PRELID2: variants seen among roughly 807,000 people sequenced by gnomAD.
The protein encoded by PRELID2 is PRELI domain containing 2, also known as PRELI domain-containing protein 2.
Under a neutral mutation model 28.4 loss-of-function variants are expected in PRELID2, and 25 were observed. The observed-to-expected ratio is 0.88, with a 90% CI of 0.64 to 1.23. PRELID2 has a LOEUF of 1.23. Ranked by LOEUF, PRELID2 falls within the 50% of genes most tolerant of loss-of-function variation. PRELID2 has a pLI of 0.00. For missense variants in PRELID2, 201 were observed against 214.4 expected (o/e 0.94, Z 0.39); for synonymous variants, 76 against 71.6 (o/e 1.06, Z -0.31).
intron 1 of PRELID2, among the ~76,000 whole-genome samples, chr5:145,698,543 T>C (rs1581070096): frequency 6.6e-6 from 1 of 152,134 alleles, no homozygotes; most frequent in Non-Finnish European, 1.5e-5. Context: ...TGCCAGCCAA[T>C]TTATGTCTGT....
In PRELID2 at chr5:145,772,959, C is replaced by T. The variant is rs141031061; in HGVS notation, c.475-7959G>A. Among the ~76,000 whole-genome samples the T allele has an allele frequency of 7.7e-3, 1,166 of 152,254 alleles. 20 individuals are homozygous for T. Among genetic ancestry groups the T allele is most frequent in the African/African-American group, 0.026 (1,094 of 41,542 alleles). ...ATGTATGGCTTCAATATAATTTTCCCATAGTAGCTAATAAACTTTTGAGTA... is the reference window on the plus strand; with the variant it reads ...ATGTATGGCTTCAATATAATTTTCCTATAGTAGCTAATAAACTTTTGAGTA... On this transcript the variant is annotated intron_variant, in intron 5 of 6. Coordinates refer to ENST00000683046, the MANE Select transcript of PRELID2 (RefSeq NM_205846.3).
At chr5:145,269,585 T>A in the PRELID2 span, among the ~76,000 whole-genome samples, 150 of 151,946 alleles carry the variant, frequency 9.9e-4, no homozygotes, top group African/African-American at 3.4e-3. Context: ...TGGGCAAAAT[T>A]TTTTAAAGAG....
chr5:145,419,118 C>T, the PRELID2 span, among the ~76,000 whole-genome samples: 2 of 150,184 alleles, frequency 1.3e-5, no homozygotes, highest in Admixed American at 1.3e-4. Context: ...TTTTCTTAAT[C>T]CAGTCTATCA....
At chr5:145,705,970 A>ACACACT (rs1397978770) in intron 1 of PRELID2, among the ~76,000 whole-genome samples, 1 of 149,746 alleles carries the variant, frequency 6.7e-6, no homozygotes, top group African/African-American at 2.5e-5. Flanking sequence ...ACACACACAC[A>ACACACT]CTCCCCACAA....
chr5:145,512,180 C>G (rs1250138271), intron 1 of PRELID2, among the ~76,000 whole-genome samples: 7 of 123,980 alleles, frequency 5.6e-5, no homozygotes, highest in Admixed American at 2.4e-4. Flanking sequence ...CGAATAGGAA[C>G]AGCTCCAGGC....
the PRELID2 span, among the ~76,000 whole-genome samples, chr5:145,405,333 A>C: frequency 6.6e-6 from 1 of 152,134 alleles, no homozygotes; most frequent in Non-Finnish European, 1.5e-5. Context: ...CTGGGTCCCC[A>C]CCTATGTTAG....
chr5:145,487,834 T>C (rs1348972975), intron 1 of PRELID2, among the ~76,000 whole-genome samples: 1 of 151,356 alleles, frequency 6.6e-6, no homozygotes, highest in Non-Finnish European at 1.5e-5. Flanking sequence ...AATCAAGAAA[T>C]GGAATTGGAG....
the PRELID2 span, among the ~76,000 whole-genome samples, chr5:145,435,986 T>C: frequency 7.9e-5 from 12 of 152,306 alleles, 1 homozygote; most frequent in South Asian, 2.1e-3. Flanking sequence ...AGGTTTGTTA[T>C]ATGGGAAAAT....
At chr5:145,362,869 A>C in the PRELID2 span, among the ~76,000 whole-genome samples, 1 of 152,104 alleles carries the variant, frequency 6.6e-6, no homozygotes, top group South Asian at 2.1e-4. Context: ...GATGGCTGGA[A>C]ATCAAAACCC....
At chr5:145,599,761 T>C (rs909774482) in intron 1 of PRELID2, among the ~76,000 whole-genome samples, 7 of 152,160 alleles carry the variant, frequency 4.6e-5, no homozygotes, top group South Asian at 2.1e-4. Context: ...ATGTCTTTCA[T>C]AGGCAAAAGC....
the PRELID2 span, among the ~76,000 whole-genome samples, chr5:145,434,802 C>T: frequency 6.6e-6 from 1 of 152,124 alleles, no homozygotes; most frequent in African/African-American, 2.4e-5. Context: ...TTTCTAACCT[C>T]AGGCAAATCC....
intron 1 of PRELID2, among the ~76,000 whole-genome samples, chr5:145,676,706 TA>T (rs1754824588): frequency 6.6e-6 from 1 of 152,174 alleles, no homozygotes; most frequent in South Asian, 2.1e-4. Context: ...TTGATATAAA[TA>T]AACACCACCA....
At chr5:145,303,489 G>A in the PRELID2 span, among the ~76,000 whole-genome samples, 3 of 152,096 alleles carry the variant, frequency 2.0e-5, no homozygotes, top group South Asian at 6.2e-4. Flanking sequence ...ATGGTGCCCT[G>A]GGATCACATC....
the PRELID2 span, among the ~76,000 whole-genome samples, chr5:145,286,696 G>GTTTTTTTTTTTTT: frequency 3.4e-5 from 4 of 116,990 alleles, no homozygotes; most frequent in African/African-American, 1.6e-4. Context: ...CAACATAGAA[G>GTTTTTTTTTTTTT]TTTTTGTTTT....
At chr5:145,229,464 C>T in the PRELID2 span, 1 of 907,788 alleles carries the variant, frequency 1.1e-6, no homozygotes, top group Non-Finnish European at 1.8e-6. Flanking sequence ...CCAGCCAAAG[C>T]CCCCAACACC....
intron 1 of PRELID2, among the ~76,000 whole-genome samples, chr5:145,478,217 G>A (rs1032091149): frequency 2.0e-5 from 3 of 152,018 alleles, no homozygotes; most frequent in Non-Finnish European, 4.4e-5. Flanking sequence ...CTGTGCTCAC[G>A]TGAAAAACAC....
chr5:145,686,666 C>T (rs1371615563), intron 1 of PRELID2, among the ~76,000 whole-genome samples: 1 of 152,096 alleles, frequency 6.6e-6, no homozygotes, highest in Non-Finnish European at 1.5e-5. Flanking sequence ...ATTCATGAAA[C>T]GGGAAGCAGA....
intron 4 of PRELID2, among the ~76,000 whole-genome samples, chr5:145,809,202 C>A (rs1184503990): frequency 6.6e-6 from 1 of 152,088 alleles, no homozygotes; most frequent in Admixed American, 6.5e-5. Context: ...CCACCACACC[C>A]AGCTAATTTT....
At chr5:145,612,082 C>T (rs552394510) in intron 1 of PRELID2, among the ~76,000 whole-genome samples, 5 of 152,150 alleles carry the variant, frequency 3.3e-5, no homozygotes, top group African/African-American at 1.2e-4. Context: ...ATTGGACATC[C>T]ATATGTAAAA....
Sources: gnomAD v4.1 joint callset for allele counts (sites outside exome capture counted in the v4.1 genomes callset) on GRCh38, gnomAD v4.1.1 for gene constraint, MANE v1.5 for transcripts, NCBI Gene and HGNC (gene_info 2026-07-23, HGNC 2026-07-21) for gene names.